The following MTM1 variants were observed in gnomAD, a reference collection of about 807,000 sequenced individuals.
The protein encoded by MTM1 is myotubularin.
In MTM1, 9 loss-of-function variants were observed where a neutral mutation model predicts 52.1. The observed-to-expected ratio is 0.17, with a 90% CI of 0.10 to 0.30. The LOEUF is 0.30. MTM1 is among the 10% of genes least tolerant of loss of function. The pLI, the probability that MTM1 is intolerant of heterozygous loss-of-function variation, is 1.00. For missense variants in MTM1, 277 were observed against 470.7 expected (o/e 0.59, Z 3.81); for synonymous variants, 136 against 163.8 (o/e 0.83, Z 1.29).
intron 11 of MTM1, among the ~76,000 whole-genome samples, chrX:150,658,907 G>A (rs367637534): frequency 1.6e-4 from 18 of 112,335 alleles, no homozygotes; most frequent in Non-Finnish European, 2.8e-4. Context: ...AAGCTGGAGC[G>A]CAATGGCGTG....
At chrX:150,657,082 A>G (rs1221929305) in intron 10 of MTM1, among the ~76,000 whole-genome samples, 1 of 110,580 alleles carries the variant, frequency 9.0e-6, no homozygotes, top group Non-Finnish European at 1.9e-5. Flanking sequence ...TCAGGGATCT[A>G]GAACTAGAAA....
chrX:150,627,103 C>T (rs1336538480), intron 6 of MTM1, among the ~76,000 whole-genome samples: 2 of 111,280 alleles, frequency 1.8e-5, no homozygotes, highest in Non-Finnish European at 3.8e-5. Flanking sequence ...TAGAATTCCC[C>T]GCTCGCATCC....
intron 1 of MTM1, among the ~76,000 whole-genome samples, chrX:150,585,466 T>C (rs1016186908): frequency 8.9e-6 from 1 of 112,687 alleles, no homozygotes; most frequent in East Asian, 2.7e-4. Flanking sequence ...ATCATAGTTA[T>C]AACTATTTAT....
intron 7 of MTM1, 109 bp downstream of exon 7, chrX:150,639,135 T>G: frequency 1.6e-6 from 1 of 645,071 alleles, no homozygotes; most frequent in Non-Finnish European, 2.6e-6. Flanking sequence ...TTGCTAAATA[T>G]CTTTTCAATG....
intron 7 of MTM1, among the ~76,000 whole-genome samples, chrX:150,640,900 G>T (rs964024197): frequency 1.8e-5 from 2 of 110,945 alleles, no homozygotes; most frequent in Non-Finnish European, 3.8e-5. Flanking sequence ...AGATTAAGAT[G>T]AAGCAGGGTA....
At chrX:150,597,652 G>A (rs913322249) in intron 3 of MTM1, among the ~76,000 whole-genome samples, 7 of 111,240 alleles carry the variant, frequency 6.3e-5, no homozygotes, top group Non-Finnish European at 1.9e-5. Context: ...AAGATGAGAG[G>A]CATATTTCTA....
intron 1 of MTM1, among the ~76,000 whole-genome samples, chrX:150,590,182 C>CA (rs1160413695): frequency 9.0e-6 from 1 of 111,674 alleles, no homozygotes; most frequent in Non-Finnish European, 1.9e-5. Context: ...AGGGATCAAT[C>CA]AAAACCATTC....
chrX:150,604,436 A>G (rs1420982535), intron 4 of MTM1, among the ~76,000 whole-genome samples: 4 of 110,781 alleles, frequency 3.6e-5, no homozygotes, highest in African/African-American at 1.3e-4. Flanking sequence ...CTCTTTCCTT[A>G]CTGCCTGCTG....
intron 4 of MTM1, among the ~76,000 whole-genome samples, chrX:150,610,387 G>GAGAC (rs1451186974): frequency 0.36 from 39,330 of 108,617 alleles, 6,544 homozygotes; most frequent in East Asian, 0.67. Context: ...CTTAGTGTAT[G>GAGAC]AGACAGACAG....
At position 150,653,076 on chromosome X, in the gene MTM1, T is replaced by G. The variant is rs1333086755; in HGVS notation, c.1053+3175T>G. Among the ~76,000 whole-genome samples the G allele has an allele frequency of 8.1e-5, 9 of 111,307 alleles. No individual in the cohort carries two copies. In the Admixed American group the frequency reaches 8.6e-4, roughly 11 times the overall value. On this transcript the variant is annotated intron_variant, in intron 10 of 14. Coordinates refer to ENST00000370396, the MANE Select transcript of MTM1 (RefSeq NM_000252.3). ...TATAGCAAAGGGGATATGAAAGAAATGAAAGAAACTGTCATTGTTCTGTAC... is the reference window on the plus strand; with the variant it reads ...TATAGCAAAGGGGATATGAAAGAAAGGAAAGAAACTGTCATTGTTCTGTAC...
chrX:150,629,505 T>C (rs1243902186), intron 6 of MTM1, among the ~76,000 whole-genome samples: 1 of 111,476 alleles, frequency 9.0e-6, no homozygotes, highest in African/African-American at 3.3e-5. Flanking sequence ...TCCAACTCCT[T>C]AAAAACAGAG....
At chrX:150,632,540 G>T (rs2039688247) in intron 6 of MTM1, among the ~76,000 whole-genome samples, 1 of 111,707 alleles carries the variant, frequency 9.0e-6, no homozygotes, top group African/African-American at 3.3e-5. Context: ...CAAAAAGATT[G>T]CTGGGCTGCA....
intron 7 of MTM1, among the ~76,000 whole-genome samples, chrX:150,640,128 C>T (rs782016144): frequency 6.3e-5 from 7 of 111,464 alleles, no homozygotes; most frequent in East Asian, 5.6e-4. Flanking sequence ...GCTACTGAGG[C>T]GGAAGAAGGA....
At chrX:150,644,206 T>C (rs1557413914) in intron 8 of MTM1, among the ~76,000 whole-genome samples, 1 of 111,794 alleles carries the variant, frequency 8.9e-6, no homozygotes. Context: ...TTTAAATGTG[T>C]AGCAAATTGC....
rs1200634281 is a variant in MTM1, at chrX:150,583,050, T to A, written c.-10-9555T>A. ...TATTTATATATTTAAATATAATTTA[T>A]ATAATTTATAATTTATATATTTAAA... is the stretch of plus-strand genomic sequence containing the variant. On this transcript the variant is annotated intron_variant, in intron 1 of 14. Coordinates refer to ENST00000370396, the MANE Select transcript of MTM1 (RefSeq NM_000252.3). Among the ~76,000 whole-genome samples, 4 of 90,160 alleles carry A rather than the reference T, an allele frequency of 4.4e-5. No individual in the cohort carries two copies. In the East Asian group the frequency reaches 1.3e-3, roughly 30 times the overall value. 78.3% of individuals were successfully genotyped at this position (90,160 alleles called of 115,157 possible).
chrX:150,656,546 C>G (rs1399996348), intron 10 of MTM1, among the ~76,000 whole-genome samples: 2 of 112,056 alleles, frequency 1.8e-5, no homozygotes, highest in African/African-American at 3.2e-5. Context: ...TATGACAGCC[C>G]TAGCACACTA....
chrX:150,594,534 G>C (rs2038943920), intron 2 of MTM1, among the ~76,000 whole-genome samples: 1 of 112,020 alleles, frequency 8.9e-6, no homozygotes, highest in African/African-American at 3.2e-5. Flanking sequence ...AAGTTTTTAT[G>C]TGATCACATA....
At chrX:150,663,097 T>G (rs940606993) in intron 13 of MTM1, among the ~76,000 whole-genome samples, 1 of 112,360 alleles carries the variant, frequency 8.9e-6, no homozygotes, top group African/African-American at 3.2e-5. Flanking sequence ...TTTCACTGAA[T>G]TAAAAAGAGT....
chrX:150,645,897 A>G, intron 9 of MTM1, 26 bp downstream of exon 9: 1 of 1,178,574 alleles, frequency 8.5e-7, no homozygotes, highest in East Asian at 3.0e-5. Flanking sequence ...GATGTGCTGG[A>G]CACTTAGCTT....
Sources: allele counts gnomAD v4.1 joint callset (sites outside exome capture counted in the v4.1 genomes callset), GRCh38; gene constraint gnomAD v4.1.1; transcripts MANE v1.5; gene names NCBI Gene and HGNC (gene_info 2026-07-23, HGNC 2026-07-21).